GRB14: variants seen among roughly 807,000 people sequenced by gnomAD.
The protein encoded by GRB14 is growth factor receptor-bound protein 14.
GRB14 carries 38 observed loss-of-function variants against 69.1 expected under a neutral mutation model. The ratio of observed to expected loss-of-function variants is 0.55; its 90% CI spans 0.42 to 0.72. The LOEUF is 0.72. Ranked by LOEUF, GRB14 falls within the 30% of genes least tolerant of loss-of-function variation. The probability of loss-of-function intolerance (pLI) is 0.00; values close to 1 mark genes in which losing one functional copy is unlikely to be tolerated. For missense variants in GRB14, 666 were observed against 666.1 expected (o/e 1.00, Z 0.00); for synonymous variants, 247 against 241.3 (o/e 1.02, Z -0.22).
At chr2:164,524,889 T>A in intron 5 of GRB14, 115 bp downstream of exon 5, 1 of 593,508 alleles carries the variant, frequency 1.7e-6, no homozygotes, top group East Asian at 3.3e-5. Flanking sequence ...CAGCAAAAAA[T>A]ATTAATAATA....
chr2:164,568,027 A>T (rs1689025078), intron 2 of GRB14, among the ~76,000 whole-genome samples: 1 of 152,150 alleles, frequency 6.6e-6, no homozygotes, highest in Non-Finnish European at 1.5e-5. Flanking sequence ...AGTAGAAAGA[A>T]AAAAAAGGAA....
chr2:164,561,644 T>G (rs1336278996), intron 2 of GRB14, among the ~76,000 whole-genome samples: 1 of 152,192 alleles, frequency 6.6e-6, no homozygotes. Flanking sequence ...CTGTGCTAGG[T>G]GGAGCAGAGG....
At chr2:164,610,687 G>A (rs923398995) in intron 2 of GRB14, among the ~76,000 whole-genome samples, 2 of 151,800 alleles carry the variant, frequency 1.3e-5, no homozygotes, top group Admixed American at 1.3e-4. Flanking sequence ...TTTTAACTAT[G>A]TATCTTCAAT....
At chr2:164,528,712 A>G (rs1344472625) in intron 3 of GRB14, among the ~76,000 whole-genome samples, 2 of 151,992 alleles carry the variant, frequency 1.3e-5, no homozygotes, top group Non-Finnish European at 2.9e-5. Context: ...CCCCCTATAA[A>G]TTAATCCATT....
intron 2 of GRB14, among the ~76,000 whole-genome samples, chr2:164,555,757 T>C (rs1245403213): frequency 6.6e-6 from 1 of 151,310 alleles, no homozygotes; most frequent in African/African-American, 2.4e-5. Flanking sequence ...TAATTATATA[T>C]GTATAGTTAA....
At chr2:164,559,769 G>C (rs942005518) in intron 2 of GRB14, among the ~76,000 whole-genome samples, 1 of 152,068 alleles carries the variant, frequency 6.6e-6, no homozygotes, top group Non-Finnish European at 1.5e-5. Flanking sequence ...GTATCTTTTC[G>C]TATAATGACT....
chr2:164,578,789 A>G (rs929512602), intron 2 of GRB14, among the ~76,000 whole-genome samples: 1 of 152,220 alleles, frequency 6.6e-6, no homozygotes, highest in African/African-American at 2.4e-5. Flanking sequence ...TTGAGAAGCC[A>G]TGCCCTTGAC....
chr2:164,591,275 T>C (rs916335684), intron 2 of GRB14, among the ~76,000 whole-genome samples: 1 of 152,160 alleles, frequency 6.6e-6, no homozygotes, highest in African/African-American at 2.4e-5. Context: ...TACCTTCCAC[T>C]TCAGTCCATT....
intron 2 of GRB14, among the ~76,000 whole-genome samples, chr2:164,562,337 G>C (rs1688850934): frequency 2.0e-5 from 3 of 152,054 alleles, no homozygotes; most frequent in African/African-American, 7.2e-5. Context: ...CGTTCCCAAA[G>C]ATTTTAAAAA....
chr2:164,536,417 T>G (rs1688081400), intron 3 of GRB14, among the ~76,000 whole-genome samples: 1 of 144,316 alleles, frequency 6.9e-6, no homozygotes, highest in African/African-American at 2.9e-5. Flanking sequence ...AAAATTGTGT[T>G]TATTTCTTTT....
intron 2 of GRB14, among the ~76,000 whole-genome samples, chr2:164,612,163 G>A (rs1025671434): frequency 2.0e-5 from 3 of 152,124 alleles, no homozygotes; most frequent in East Asian, 1.9e-4. Flanking sequence ...AACGGTACAC[G>A]CAATGTTGTA....
At chr2:164,537,994 C>T (rs2105300606) in intron 3 of GRB14, among the ~76,000 whole-genome samples, 1 of 151,252 alleles carries the variant, frequency 6.6e-6, no homozygotes, top group East Asian at 1.9e-4. Context: ...ACTTGTACTT[C>T]CTTTGTTAAA....
intron 1 of GRB14, among the ~76,000 whole-genome samples, chr2:164,620,811 T>C (rs2105367664): frequency 6.6e-6 from 1 of 152,258 alleles, no homozygotes; most frequent in South Asian, 2.1e-4. Flanking sequence ...GTTTACTTTG[T>C]GAAAATGCAT....
At chr2:164,603,899 T>C (rs1478908096) in intron 2 of GRB14, among the ~76,000 whole-genome samples, 1 of 152,180 alleles carries the variant, frequency 6.6e-6, no homozygotes, top group Non-Finnish European at 1.5e-5. Flanking sequence ...TAAAGGATTC[T>C]TACAAGTCAT....
chr2:164,529,017 T>C (rs1415741090), intron 3 of GRB14, among the ~76,000 whole-genome samples: 1 of 152,150 alleles, frequency 6.6e-6, no homozygotes, highest in Non-Finnish European at 1.5e-5. Context: ...TCCATGTCCA[T>C]GAACAATGAA....
chr2:164,555,357 CTT>C (rs1688652271), intron 2 of GRB14, among the ~76,000 whole-genome samples: 1 of 152,088 alleles, frequency 6.6e-6, no homozygotes, highest in Non-Finnish European at 1.5e-5. Context: ...CCCACTTATT[CTT>C]TGTTTCTTCA....
chr2:164,508,098 A>T (rs763663273), intron 8 of GRB14, among the ~76,000 whole-genome samples: 2 of 152,364 alleles, frequency 1.3e-5, no homozygotes, highest in East Asian at 3.9e-4. Context: ...GGCACATTTT[A>T]AAATACACTT....
chr2:164,620,125 A>G (rs956693192), intron 1 of GRB14, among the ~76,000 whole-genome samples: 1 of 141,474 alleles, frequency 7.1e-6, no homozygotes, highest in African/African-American at 2.7e-5. Flanking sequence ...ATCACCAGGC[A>G]TAGAAACTCC....
intron 6 of GRB14, among the ~76,000 whole-genome samples, chr2:164,518,505 G>GA (rs1687551323): frequency 1.3e-5 from 2 of 151,906 alleles, no homozygotes. Context: ...CAGAAGAAAA[G>GA]AAATAACAAA....
Sources: gnomAD v4.1 joint callset for allele counts (sites outside exome capture counted in the v4.1 genomes callset) on GRCh38, gnomAD v4.1.1 for gene constraint, MANE v1.5 for transcripts, NCBI Gene and HGNC (gene_info 2026-07-23, HGNC 2026-07-21) for gene names.